MORN5: variants seen among roughly 807,000 people sequenced by gnomAD.
The protein encoded by MORN5 is MORN repeat containing 5, also known as MORN repeat-containing protein 5.
In MORN5, 21 loss-of-function variants were observed where a neutral mutation model predicts 22.1. That is an observed-to-expected ratio of 0.95 (90% CI 0.67 to 1.37). The LOEUF is 1.37. Ranked by LOEUF, MORN5 falls within the 40% of genes most tolerant of loss-of-function variation. The pLI, the probability that MORN5 is intolerant of heterozygous loss-of-function variation, is 0.00. For missense variants in MORN5, 211 were observed against 215.1 expected (o/e 0.98, Z 0.12); for synonymous variants, 73 against 74.0 (o/e 0.99, Z 0.07).
chr9:122,161,016 G>A (rs148183214), intron 1 of MORN5, among the ~76,000 whole-genome samples: 2 of 152,242 alleles, frequency 1.3e-5, no homozygotes, highest in Non-Finnish European at 2.9e-5. Flanking sequence ...ATTCAGTGTG[G>A]TAAGAGCTGT....
chr9:122,184,605 A>G (rs1829584629), intron 4 of MORN5, among the ~76,000 whole-genome samples: 1 of 152,256 alleles, frequency 6.6e-6, no homozygotes, highest in Non-Finnish European at 1.5e-5. Context: ...GTGATAAAGC[A>G]GGATAATAAT....
chr9:122,166,278 G>A (rs72767778), intron 1 of MORN5, among the ~76,000 whole-genome samples: 18,393 of 139,552 alleles, frequency 0.13, 1,173 homozygotes, highest in South Asian at 0.2. Context: ...TAGTATCCAA[G>A]ATTATATATA....
intron 3 of MORN5, among the ~76,000 whole-genome samples, chr9:122,174,282 G>A (rs1023334908): frequency 1.3e-5 from 2 of 152,166 alleles, no homozygotes; most frequent in African/African-American, 4.8e-5. Context: ...AGAGGGTCTC[G>A]TTCCCAAGAC....
rs186644920 is a variant in MORN5, at chr9:122,181,430, C to T, written c.439+6803C>T. 1.2e-4 allele frequency among the ~76,000 whole-genome samples: 18 copies of T among 152,370 alleles called. No individual in the cohort carries two copies. The East Asian group carries it at 3.3e-3, about 28-fold the overall frequency. ...CAGACATGTGATAGTGAAGCTGGAA[C>T]TCAAACCCACTCCCATCTTACCACA... On this transcript the variant is annotated intron_variant, in intron 4 of 4. Coordinates refer to ENST00000373764, the MANE Select transcript of MORN5 (RefSeq NM_198469.4).
intron 1 of MORN5, among the ~76,000 whole-genome samples, chr9:122,165,867 AAGGG>A (rs564937400): frequency 3.3e-5 from 5 of 152,208 alleles, no homozygotes; most frequent in Admixed American, 3.3e-4. Flanking sequence ...GAAGGGAAGG[AAGGG>A]AGGGAGGCAC....
At chr9:122,198,047 C>T (rs1829934288) in intron 4 of MORN5, among the ~76,000 whole-genome samples, 1 of 152,230 alleles carries the variant, frequency 6.6e-6, no homozygotes, top group Admixed American at 6.5e-5. Flanking sequence ...TCCTGGCGTG[C>T]TCACATCTGC....
intron 4 of MORN5, among the ~76,000 whole-genome samples, chr9:122,181,437 C>T (rs1829537664): frequency 1.3e-5 from 2 of 152,198 alleles, no homozygotes; most frequent in Admixed American, 1.3e-4. Flanking sequence ...GAACTCAAAC[C>T]CACTCCCATC....
At chr9:122,198,062 G>C (rs1193909169) in intron 4 of MORN5, among the ~76,000 whole-genome samples, 2 of 152,318 alleles carry the variant, frequency 1.3e-5, no homozygotes, top group African/African-American at 4.8e-5. Flanking sequence ...ATCTGCCCTG[G>C]GGTGAGAGGT....
At chr9:122,184,737 G>A (rs958359630) in intron 4 of MORN5, among the ~76,000 whole-genome samples, 10 of 152,032 alleles carry the variant, frequency 6.6e-5, no homozygotes, top group Non-Finnish European at 2.9e-5. Context: ...CATTATCCTT[G>A]TTATTCCCAC....
chr9:122,194,232 A>T (rs933851402), intron 4 of MORN5, among the ~76,000 whole-genome samples: 7 of 152,198 alleles, frequency 4.6e-5, no homozygotes, highest in African/African-American at 1.7e-4. Context: ...ATGGCTGGCC[A>T]CAGGATTGGG....
At chr9:122,160,197 T>TTA (rs1294473945) in intron 1 of MORN5, among the ~76,000 whole-genome samples, 178 bp downstream of exon 1, 3 of 152,216 alleles carry the variant, frequency 2.0e-5, no homozygotes, top group Non-Finnish European at 4.4e-5. Context: ...CCATATATAC[T>TTA]TATATGTGTG....
At chr9:122,187,492 G>A (rs913771164) in intron 4 of MORN5, among the ~76,000 whole-genome samples, 1 of 152,242 alleles carries the variant, frequency 6.6e-6, no homozygotes, top group Middle Eastern at 3.4e-3. Flanking sequence ...GTTTCACTTG[G>A]GGATCAGACC....
rs982871019 is a variant in MORN5 at position 122,174,850 on chromosome 9, C to T, written c.439+223C>T. 22 of 1,363,118 alleles carry T rather than the reference C, an allele frequency of 1.6e-5. No individual in the cohort carries two copies. In the East Asian group the frequency reaches 2.8e-4, roughly 17 times the overall value. 84.4% of individuals were successfully genotyped at this position (1,363,118 alleles called of 1,614,324 possible). ...AAGCACATTCGTGGTCTAGCAGTGA[C>T]GGCACATAAATGTCGCACTGAAAGG... On this transcript the variant is annotated intron_variant, in intron 4 of 4. Transcript: ENST00000373764.
rs560504850 is a variant in MORN5 at position 122,174,908 on chromosome 9, G to A, written c.439+281G>A. Reference sequence around the variant, plus strand: ...TACTTATTTTTGTATGCATTCCTTCGATTTTAATGGGCACCTACTATATGC... The same window carrying A: ...TACTTATTTTTGTATGCATTCCTTCAATTTTAATGGGCACCTACTATATGC... On this transcript the variant is annotated intron_variant, in intron 4 of 4. Transcript: ENST00000373764. The A allele has an allele frequency of 5.1e-5, 50 of 979,044 alleles. No homozygotes were observed. In the East Asian group the frequency reaches 1.6e-3, roughly 31 times the overall value. 60.6% of individuals were successfully genotyped at this position (979,044 alleles called of 1,614,324 possible).
intron 4 of MORN5, among the ~76,000 whole-genome samples, chr9:122,189,750 G>A (rs1333678062): frequency 6.6e-6 from 1 of 152,042 alleles, no homozygotes; most frequent in Non-Finnish European, 1.5e-5. Context: ...GGGACCACAG[G>A]TGCCCGCCAC....
intron 4 of MORN5, among the ~76,000 whole-genome samples, chr9:122,195,968 A>G (rs182355928): frequency 6.1e-5 from 9 of 147,592 alleles, no homozygotes; most frequent in Admixed American, 2.7e-4. Flanking sequence ...ATTTTGTTTT[A>G]TATTTATTTA....
chr9:122,194,957 C>G (rs1829853640), intron 4 of MORN5, among the ~76,000 whole-genome samples: 1 of 151,372 alleles, frequency 6.6e-6, no homozygotes, highest in African/African-American at 2.4e-5. Flanking sequence ...GAGTTGGAGG[C>G]TGCAGTGAGC....
chr9:122,166,916 G>A lies in MORN5; in HGVS notation c.195+1G>A. On this transcript the variant is annotated splice_donor_variant, in intron 2 of 4. Coordinates refer to ENST00000373764, the MANE Select transcript of MORN5 (RefSeq NM_198469.4). LOFTEE classifies it high-confidence loss of function. The stretch of plus-strand genomic sequence containing the variant: ...TTGGGAAAACGGATTGGCCATAAAG[G>A]TGATCAGCTGGGGGGACGGATGCTG... The A allele has an allele frequency of 6.2e-7, 1 of 1,613,028 alleles. No homozygotes were observed. Among genetic ancestry groups the A allele is most frequent in the Non-Finnish European group, 8.5e-7 (1 of 1,179,470 alleles).
chr9:122,177,641 C>T (rs189060101), intron 4 of MORN5, among the ~76,000 whole-genome samples: 51 of 152,222 alleles, frequency 3.4e-4, no homozygotes, highest in Admixed American at 3.2e-3. Flanking sequence ...CCATGTTGGC[C>T]GGGCTGGTCT....
Sources: allele counts gnomAD v4.1 joint callset (sites outside exome capture counted in the v4.1 genomes callset), GRCh38; gene constraint gnomAD v4.1.1; transcripts MANE v1.5; gene names NCBI Gene and HGNC (gene_info 2026-07-23, HGNC 2026-07-21).